Variants in DLG2 observed in about 807,000 individuals in gnomAD.
The protein encoded by DLG2 is disks large homolog 2.
A neutral mutation model predicts 132.5 loss-of-function variants in DLG2; 45 were observed. The observed-to-expected ratio is 0.34, with a 90% CI of 0.27 to 0.44. The LOEUF is 0.44. Among genes scored for constraint, DLG2 ranks in the 20% least tolerant of loss-of-function variants. The pLI is 1.00. For synonymous variants in DLG2, 424 were observed against 419.6 expected, an observed-to-expected ratio of 1.01 and a Z score of -0.13; for missense variants, 1,045 against 1,196.9, an observed-to-expected ratio of 0.87 and a Z score of 1.87.
At chr11:83,486,682 A>ATACTT (rs1052536834) in intron 21 of DLG2, among the ~76,000 whole-genome samples, 16 of 152,256 alleles carry the variant, frequency 1.1e-4, no homozygotes, top group African/African-American at 3.6e-4. Flanking sequence ...ATACACACTA[A>ATACTT]TACTTTAAGA....
At chr11:85,216,288 T>A (rs537859490) in intron 4 of DLG2, among the ~76,000 whole-genome samples, 1 of 152,322 alleles carries the variant, frequency 6.6e-6, no homozygotes, top group African/African-American at 2.4e-5. Context: ...GACTTTACGT[T>A]CCTACTTATT....
chr11:85,006,635 G>T (rs2058684061), intron 6 of DLG2, among the ~76,000 whole-genome samples: 1 of 151,608 alleles, frequency 6.6e-6, no homozygotes, highest in African/African-American at 2.4e-5. Flanking sequence ...TATTAGTCTG[G>T]CTAGCGGTCT....
chr11:83,465,168 T>G (rs865817994), intron 26 of DLG2, among the ~76,000 whole-genome samples: 4 of 152,224 alleles, frequency 2.6e-5, no homozygotes, highest in Admixed American at 6.5e-5. Flanking sequence ...GTACTGTCAG[T>G]GACCTCCCGA....
intron 6 of DLG2, among the ~76,000 whole-genome samples, chr11:84,669,419 G>A (rs975419712): frequency 1.3e-5 from 2 of 152,114 alleles, no homozygotes; most frequent in African/African-American, 2.4e-5. Flanking sequence ...ATACCAGACT[G>A]TCTATATTTT....
At chr11:84,967,998 C>G (rs1057253676) in intron 6 of DLG2, among the ~76,000 whole-genome samples, 1 of 151,908 alleles carries the variant, frequency 6.6e-6, no homozygotes. Flanking sequence ...TAGAAATAAT[C>G]AAAGAAGCAA....
At chr11:84,977,773 A>C (rs1047965226) in intron 6 of DLG2, among the ~76,000 whole-genome samples, 1 of 152,170 alleles carries the variant, frequency 6.6e-6, no homozygotes, top group East Asian at 1.9e-4. Context: ...GCCTTAATGC[A>C]TATATTTAAC....
chr11:84,152,411 G>C (rs1357970976), intron 9 of DLG2, among the ~76,000 whole-genome samples: 8 of 149,866 alleles, frequency 5.3e-5, no homozygotes, highest in Admixed American at 3.3e-4. Context: ...TTTTCAGACG[G>C]AGTCTTGCAC....
chr11:85,017,157 T>C (rs1408317170), intron 6 of DLG2, among the ~76,000 whole-genome samples: 2 of 152,186 alleles, frequency 1.3e-5, no homozygotes, highest in African/African-American at 4.8e-5. Flanking sequence ...CTGATTTATA[T>C]CATTGACATC....
Position 84,057,375 on chromosome 11 carries a change from T to C in DLG2, c.919+1940A>G, listed in dbSNP as rs1185234058. On this transcript the variant is annotated intron_variant, in intron 11 of 27. Transcript: ENST00000376104. ...GGCTATGCTGAATAATTACAGTTAA[T>C]TGAATTACAGAAATAGCTACATATA... Among the ~76,000 whole-genome samples, 5 of 152,258 alleles carry C rather than the reference T, an allele frequency of 3.3e-5. No individual in the cohort carries two copies. In the East Asian group the frequency reaches 5.8e-4, roughly 18 times the overall value.
chr11:84,571,770 G>A (rs1031635656), intron 6 of DLG2, among the ~76,000 whole-genome samples: 1 of 152,068 alleles, frequency 6.6e-6, no homozygotes, highest in African/African-American at 2.4e-5. Context: ...TGGAAAGTTT[G>A]ATTTTCAAAC....
At chr11:84,443,419 C>G (rs188099358) in intron 7 of DLG2, among the ~76,000 whole-genome samples, 1 of 152,218 alleles carries the variant, frequency 6.6e-6, no homozygotes, top group Admixed American at 6.5e-5. Context: ...TTCTTTAGAG[C>G]AGGTCCTTCA....
intron 18 of DLG2, among the ~76,000 whole-genome samples, chr11:83,652,283 AGGAAC>A (rs749036394): frequency 3.9e-4 from 60 of 152,066 alleles, no homozygotes; most frequent in Non-Finnish European, 7.1e-4. Flanking sequence ...AAAGGGGGAG[AGGAAC>A]AACCTTTGAA....
intron 8 of DLG2, among the ~76,000 whole-genome samples, chr11:84,167,196 G>T (rs1276504800): frequency 6.6e-6 from 1 of 152,164 alleles, no homozygotes; most frequent in Non-Finnish European, 1.5e-5. Context: ...TTATGGTTCT[G>T]TGGTGACAGC....
chr11:84,793,415 C>A (rs989633614), intron 6 of DLG2, among the ~76,000 whole-genome samples: 3 of 152,092 alleles, frequency 2.0e-5, no homozygotes, highest in African/African-American at 7.2e-5. Context: ...CTATTAGGTC[C>A]ATTTGTCCTA....
At chr11:84,677,269 T>A (rs986518889) in intron 6 of DLG2, among the ~76,000 whole-genome samples, 2 of 152,038 alleles carry the variant, frequency 1.3e-5, no homozygotes, top group African/African-American at 4.8e-5. Flanking sequence ...ATAAGTGCAT[T>A]TCAGGATATT....
chr11:83,512,040 G>T (rs1283482463), intron 21 of DLG2, among the ~76,000 whole-genome samples: 1 of 152,174 alleles, frequency 6.6e-6, no homozygotes, highest in African/African-American at 2.4e-5. Context: ...CAGTTTGTGA[G>T]GGCACCACGG....
intron 19 of DLG2, among the ~76,000 whole-genome samples, chr11:83,617,266 T>A (rs867961696): frequency 1.2e-4 from 19 of 152,224 alleles, no homozygotes; most frequent in African/African-American, 4.6e-4. Flanking sequence ...CTTTGCCACA[T>A]TGCATCTTCC....
chr11:83,687,948 C>G (rs936892925), intron 18 of DLG2, among the ~76,000 whole-genome samples: 2 of 151,208 alleles, frequency 1.3e-5, no homozygotes, highest in African/African-American at 4.9e-5. Flanking sequence ...ACTGACACTA[C>G]AGTGAGGTAT....
At chr11:84,465,739 A>G (rs2099092587) in intron 7 of DLG2, among the ~76,000 whole-genome samples, 1 of 151,214 alleles carries the variant, frequency 6.6e-6, no homozygotes, top group Non-Finnish European at 1.5e-5. Context: ...ACCCCAAACC[A>G]CCACTTATTC....
Sources: allele counts gnomAD v4.1 joint callset (sites outside exome capture counted in the v4.1 genomes callset), GRCh38; gene constraint gnomAD v4.1.1; transcripts MANE v1.5; gene names NCBI Gene and HGNC (gene_info 2026-07-23, HGNC 2026-07-21).